KTN1: variants seen among roughly 807,000 people sequenced by gnomAD.
The protein encoded by KTN1 is kinectin 1, also known as kinectin.
Under a neutral mutation model 222.5 loss-of-function variants are expected in KTN1, and 130 were observed. That is an observed-to-expected ratio of 0.58 (90% CI 0.51 to 0.68). The LOEUF (loss-of-function observed/expected upper bound fraction) is 0.68. Among genes scored for constraint, KTN1 ranks in the 30% least tolerant of loss-of-function variants. The probability of loss-of-function intolerance (pLI) is 0.00; values close to 1 mark genes in which losing one functional copy is unlikely to be tolerated. For synonymous variants in KTN1, 512 were observed against 496.3 expected, an observed-to-expected ratio of 1.03 and a Z score of -0.42; for missense variants, 1,508 against 1,500.4, an observed-to-expected ratio of 1.01 and a Z score of -0.08.
rs540363138 is a variant in KTN1 at position 55,613,689 on chromosome 14, G to A, written c.523+1118G>A. 2.0e-5 allele frequency among the ~76,000 whole-genome samples: 3 copies of A among 151,024 alleles called. No individual in the cohort carries two copies. In the East Asian group the frequency reaches 5.8e-4, roughly 29 times the overall value. ...TCACAATATTGGCCAGAGTGGTCTC[G>A]AACTCCTGACCTCAAATGATCCGCC... On this transcript the variant is annotated intron_variant, in intron 2 of 43. Transcript: ENST00000395314.
intron 5 of KTN1, among the ~76,000 whole-genome samples, chr14:55,622,438 C>G (rs570745497): frequency 1.3e-5 from 2 of 152,106 alleles, no homozygotes; most frequent in African/African-American, 4.8e-5. Context: ...CAGCCAACAT[C>G]TATATTCTTA....
At chr14:55,615,222 C>CT (rs920750293) in intron 2 of KTN1, among the ~76,000 whole-genome samples, 1 of 152,110 alleles carries the variant, frequency 6.6e-6, no homozygotes, top group African/African-American at 2.4e-5. Context: ...ATTTTAACAA[C>CT]TTTTAAGTGT....
intron 10 of KTN1, 134 bp from the exon 11 acceptor site, chr14:55,637,064 A>T: frequency 1.7e-6 from 1 of 578,512 alleles, no homozygotes; most frequent in Non-Finnish European, 3.0e-6. Flanking sequence ...ATAGCCTGCT[A>T]CAGGAGCATG....
chr14:55,600,328 T>G (rs1268261644), intron 1 of KTN1, among the ~76,000 whole-genome samples: 1 of 152,060 alleles, frequency 6.6e-6, no homozygotes, highest in Non-Finnish European at 1.5e-5. Context: ...AATTTTGAAG[T>G]AAGTTTTTCT....
Position 55,673,091 on chromosome 14 carries a change from T to G in KTN1, c.3687+79T>G. On this transcript the variant is annotated intron_variant, in intron 39 of 43. Coordinates refer to ENST00000395314, the MANE Select transcript of KTN1 (RefSeq NM_001079521.2). ...AACAGTGATATTTCAGTATAAGTTGTTTGTGGCAGAGCTTCCGAGTAGCAT... is the reference window on the plus strand; with the variant it reads ...AACAGTGATATTTCAGTATAAGTTGGTTGTGGCAGAGCTTCCGAGTAGCAT... 5 of 1,502,526 alleles carry G rather than the reference T, an allele frequency of 3.3e-6. No homozygotes were observed. The Admixed American group carries it at 8.4e-5, about 25-fold the overall frequency. The allele number at this position is 1,502,526 out of a possible 1,614,324, so 93.1% of individuals were successfully genotyped here.
At position 55,622,312 on chromosome 14, in the gene KTN1, T is replaced by G. The variant is rs559524827; in HGVS notation, c.963+3000T>G. Among the ~76,000 whole-genome samples the G allele has an allele frequency of 8.5e-5, 13 of 152,176 alleles. No homozygotes were observed. The East Asian group carries it at 2.3e-3, about 27-fold the overall frequency. ...TCAAAGAACCTCAGGACTATTGTTG[T>G]GGGGGGGATGTGTGTGTTGTGTTTG... On this transcript the variant is annotated intron_variant, in intron 5 of 43. Coordinates refer to ENST00000395314, the MANE Select transcript of KTN1 (RefSeq NM_001079521.2).
intron 33 of KTN1, among the ~76,000 whole-genome samples, chr14:55,666,104 T>C (rs148052523): frequency 2.6e-5 from 4 of 152,120 alleles, no homozygotes; most frequent in African/African-American, 9.6e-5. Flanking sequence ...GTGGACTTCA[T>C]TGAATTATTG....
intron 1 of KTN1, among the ~76,000 whole-genome samples, chr14:55,593,927 G>A (rs1208356649): frequency 6.6e-6 from 1 of 151,804 alleles, no homozygotes; most frequent in Non-Finnish European, 1.5e-5. Context: ...GTTCTGTTTT[G>A]TTGCTGTTAC....
Position 55,630,088 on chromosome 14 carries a change from G to A in KTN1, c.1212G>A (p.Met404Ile). The stretch of plus-strand genomic sequence containing the variant: ...TCAGTTATCAAGAGACTCAACAGAT[G>A]CAGATGAAGGTATATTTTCATTCTT... ...IHVSYQETQQMQMKFQQVREQ... is the reference protein window; with the variant it reads ...IHVSYQETQQIQMKFQQVREQ... Residue 404 changes from methionine (M) to isoleucine (I), a missense_variant, in exon 7 of 44, where the codon ATG becomes ATA. Met to Ile is a conservative substitution (Grantham distance 10). Coordinates refer to ENST00000395314, the MANE Select transcript of KTN1 (RefSeq NM_001079521.2). 4 of 1,610,394 alleles carry A rather than the reference G, an allele frequency of 2.5e-6. No homozygotes were observed. Among genetic ancestry groups the A allele is most frequent in the Non-Finnish European group, 3.4e-6 (4 of 1,177,948 alleles).
intron 1 of KTN1, among the ~76,000 whole-genome samples, chr14:55,599,065 A>T (rs2035537746): frequency 6.6e-6 from 1 of 152,040 alleles, no homozygotes; most frequent in East Asian, 1.9e-4. Context: ...TTGTTTGATA[A>T]TTCAACTTTA....
chr14:55,632,369 TAAG>T (rs1418136402), intron 7 of KTN1, among the ~76,000 whole-genome samples: 4 of 151,534 alleles, frequency 2.6e-5, no homozygotes, highest in Non-Finnish European at 4.4e-5. Flanking sequence ...TTTCCCTTAA[TAAG>T]CAACAGTTTC....
At chr14:55,662,928 G>T (rs1350876556) in intron 32 of KTN1, 2 of 455,968 alleles carry the variant, frequency 4.4e-6, no homozygotes, top group Non-Finnish European at 8.8e-6. Flanking sequence ...TGCAGCAGCA[G>T]CAGCAGCGCT....
intron 19 of KTN1, among the ~76,000 whole-genome samples, chr14:55,647,660 AGAG>A (rs2042516867): frequency 7.5e-6 from 1 of 132,670 alleles, no homozygotes; most frequent in Admixed American, 7.6e-5. Flanking sequence ...AAAAAAAAAA[AGAG>A]CCAGGCATGG....
chr14:55,650,833 T>G (rs79014965), intron 24 of KTN1, among the ~76,000 whole-genome samples, 196 bp downstream of exon 24: 9,096 of 152,310 alleles, frequency 0.06, 385 homozygotes, highest in South Asian at 0.09. Flanking sequence ...AAATTTTAAC[T>G]GTTAATGGTT....
At chr14:55,640,126 CTG>C (rs541649941) in intron 14 of KTN1, 123 bp downstream of exon 14, 187 of 712,348 alleles carry the variant, frequency 2.6e-4, no homozygotes, top group African/African-American at 2.4e-3. Flanking sequence ...TTTGAAATAA[CTG>C]TTTTTCTAAA....
chr14:55,611,263 CTTTTTT>C (rs897315974), intron 1 of KTN1, among the ~76,000 whole-genome samples: 3 of 116,060 alleles, frequency 2.6e-5, no homozygotes, highest in East Asian at 2.4e-4. Flanking sequence ...ATTTTCTTGT[CTTTTTT>C]TTTTTTTTTT....
intron 32 of KTN1, chr14:55,663,688 T>C: frequency 9.6e-6 from 3 of 314,090 alleles, no homozygotes; most frequent in Non-Finnish European, 1.8e-5. Flanking sequence ...TTTTGAATGC[T>C]TTCTTCTTTG....
chr14:55,580,838 A>G (rs932103665), intron 1 of KTN1, among the ~76,000 whole-genome samples: 2 of 152,052 alleles, frequency 1.3e-5, no homozygotes, highest in African/African-American at 4.8e-5. Context: ...GAGCTGGGCC[A>G]CACTTACGCC....
chr14:55,660,484 T>C (rs17685078), intron 31 of KTN1, among the ~76,000 whole-genome samples: 9,114 of 151,842 alleles, frequency 0.06, 374 homozygotes, highest in South Asian at 0.088. Flanking sequence ...CATAAGTTAG[T>C]GTGTTTCAAC....
Sources: gnomAD v4.1 joint callset for allele counts (sites outside exome capture counted in the v4.1 genomes callset) on GRCh38, gnomAD v4.1.1 for gene constraint, MANE v1.5 for transcripts, NCBI Gene and HGNC (gene_info 2026-07-23, HGNC 2026-07-21) for gene names.